Variants in TEPSIN observed in about 807,000 individuals in gnomAD.
TEPSIN encodes TEPSIN adaptor related protein complex 4 accessory protein, also known as AP-4 complex accessory subunit tepsin.
In TEPSIN, 50 loss-of-function variants were observed where a neutral mutation model predicts 48.5. The observed-to-expected ratio is 1.03, with a 90% CI of 0.82 to 1.31. The LOEUF (loss-of-function observed/expected upper bound fraction) is 1.31. Ranked by LOEUF, TEPSIN falls within the 50% of genes most tolerant of loss-of-function variation. The pLI is 0.00. For synonymous variants in TEPSIN, 392 were observed against 358.8 expected (o/e 1.09, Z -1.05); for missense variants, 838 against 815.9 (o/e 1.03, Z -0.33).
In TEPSIN at chr17:81,230,977, C is replaced by A. The variant is rs1438299267; in HGVS notation, c.1099-299G>T. ...ATGTCCTCCCCGGCTCCTGGACAGA[C>A]CCCAGCGAGAAGCACGTGACCTGCT... On this transcript the variant is annotated intron_variant, in intron 11 of 12. Coordinates refer to ENST00000637944, the MANE Select transcript of TEPSIN (RefSeq NM_001363764.2). This position sits in a 1 kb window ranked among gnomAD's most constrained non-coding sequence, Gnocchi z 4.2. 5.8e-6 allele frequency: 3 copies of A among 513,738 alleles called. No homozygotes were observed. The African/African-American group carries it at 5.9e-5, about 10-fold the overall frequency. The allele number at this position is 513,738 out of a possible 1,614,324, so 31.8% of individuals were successfully genotyped here.
Position 81,237,454 on chromosome 17 carries a change from C to G in TEPSIN, c.54G>C (p.Pro18=). 2 of 1,609,068 alleles carry G rather than the reference C, an allele frequency of 1.2e-6. No homozygotes were observed. The highest frequency in any genetic ancestry group is 2.2e-5 in the East Asian group (1 of 44,826). The stretch of plus-strand genomic sequence containing the variant: ...CATCGGACGTCCCCTTCAGGAGAAT[C>G]GGGAGCTGAAAGGGAACAAGAGCCC... ...RDRLSFLHRL[P]ILLKGTSDDD... is the part of the protein sequence containing the mutation. The change falls in exon 2 of 13, where the codon CCG becomes CCC. Residue 18 remains proline, a synonymous_variant. Transcript: ENST00000637944.
In TEPSIN at chr17:81,230,331, G is replaced by C. The variant is rs139633196; in HGVS notation, c.1233+213C>G. The stretch of plus-strand genomic sequence containing the variant: ...ATAGGTAGAGGCCAGTGTACTGTGA[G>C]TGCTGCAGAGTTTGGGTGGAAGGCG... On this transcript the variant is annotated intron_variant, in intron 12 of 12. Transcript: ENST00000637944. This position sits in a 1 kb window ranked among gnomAD's most constrained non-coding sequence, Gnocchi z 4.2. 9.6e-6 allele frequency: 2 copies of C among 207,892 alleles called. No individual in the cohort carries two copies. Among genetic ancestry groups the C allele is most frequent in the African/African-American group, 5.2e-5 (1 of 19,196 alleles). The allele number at this position is 207,892 out of a possible 1,614,324, so 12.9% of individuals were successfully genotyped here.
In TEPSIN at chr17:81,232,478, GGC is replaced by G; in HGVS notation, c.565_566del (p.Ala189ArgfsTer25). 6.5e-7 allele frequency: 1 copy of G among 1,534,952 alleles called. No individual in the cohort carries two copies. The highest frequency in any genetic ancestry group is 8.7e-7 in the Non-Finnish European group (1 of 1,146,546). On this transcript the variant is annotated frameshift_variant, in exon 8 of 13. Transcript: ENST00000637944. LOFTEE classifies it high-confidence loss of function. ...GEAFLSTIQK[A>X]AEVVASAMRP... ...GCATGGCGCTGGCCACCACCTCTGC[GGC>G]CTTCTGGATGGTGGAGAGGAAGGCT...
At position 81,231,452 on chromosome 17, in the gene TEPSIN, G is replaced by C. The variant is rs750187681; in HGVS notation, c.1044C>G (p.Ala348=). Residue 348 remains alanine, a synonymous_variant, in exon 11 of 13, where the codon GCC becomes GCG. Coordinates refer to ENST00000637944, the MANE Select transcript of TEPSIN (RefSeq NM_001363764.2). ...GGTGGCAGGTCAGCAGCTGCAGCAC[G>C]GCCTCACAGTTGAGCAGTCCACACC... ...IKACGLLNCE[A]VLQLLTCHLR... The C allele has an allele frequency of 1.9e-6, 3 of 1,568,560 alleles. No homozygotes were observed. Among genetic ancestry groups the C allele is most frequent in the Non-Finnish European group, 1.7e-6 (2 of 1,156,904 alleles).
rs1174441211 is a variant in TEPSIN, at chr17:81,234,109, G to A, written c.308-61C>T. 44 of 1,444,466 alleles carry A rather than the reference G, an allele frequency of 3.0e-5. No individual in the cohort carries two copies. Among genetic ancestry groups the A allele is most frequent in the Non-Finnish European group, 4.0e-5 (44 of 1,086,430 alleles). The allele number at this position is 1,444,466 out of a possible 1,614,324, so 89.5% of individuals were successfully genotyped here. A position where few individuals can be genotyped will look rare whatever the true frequency, so the allele number is the denominator to read the frequency against. ...GAGCCTGGCACCGCTGCTCCCTGTGGAGCACGGTGCCCTGGGCCCACTCCA... is the reference window on the plus strand; with the variant it reads ...GAGCCTGGCACCGCTGCTCCCTGTGAAGCACGGTGCCCTGGGCCCACTCCA... On this transcript the variant is annotated intron_variant, in intron 4 of 12. Transcript: ENST00000637944. The surrounding 1 kb of genome is among the most constrained non-coding windows in gnomAD (Gnocchi z 5.4).
intron 9 of TEPSIN, 43 bp from the exon 10 acceptor site, chr17:81,231,734 G>A: frequency 2.5e-6 from 4 of 1,607,742 alleles, no homozygotes; most frequent in Non-Finnish European, 2.6e-6. Context: ...TGGAGGCCAT[G>A]CCCCCACTCC....
chr17:81,229,312 CG>C lies in TEPSIN; in HGVS notation c.1397del (p.Pro466ArgfsTer126), dbSNP rs2062537450. On this transcript the variant is annotated frameshift_variant, in exon 13 of 13. Coordinates refer to ENST00000637944, the MANE Select transcript of TEPSIN (RefSeq NM_001363764.2). LOFTEE classifies it low-confidence loss of function (END_TRUNC). ...QVFLQPLSSTPVSSRSPAPSS... is the reference protein window; with the variant it reads ...QVFLQPLSSTXVSSRSPAPSS... The stretch of plus-strand genomic sequence containing the variant: ...AGGGAGCAGGGCTCCGGGACGAGAC[CG>C]GGGTTGAACTCAGAGGCTGCAGGAA... 11 of 1,569,602 alleles carry C rather than the reference CG, an allele frequency of 7.0e-6. No individual in the cohort carries two copies. The highest frequency in any genetic ancestry group is 9.5e-6 in the Non-Finnish European group (11 of 1,157,428).
At chr17:81,232,901 G>A (rs2062646990) in intron 7 of TEPSIN, 3 of 237,084 alleles carry the variant, frequency 1.3e-5, no homozygotes, top group Admixed American at 5.3e-5. Flanking sequence ...CAAAGTGTCG[G>A]CAGGAGCCCC....
chr17:81,234,060 A>G lies in TEPSIN; in HGVS notation c.308-12T>C. The G allele has an allele frequency of 6.3e-7, 1 of 1,582,622 alleles. No individual in the cohort carries two copies. Among genetic ancestry groups the G allele is most frequent in the Non-Finnish European group, 8.6e-7 (1 of 1,168,838 alleles). ...GGGCCCTGCAAAAGCTGCAGAACAGAAAAGGCAAGTCGGGGGCAGGGCTGA... is the reference window on the plus strand; with the variant it reads ...GGGCCCTGCAAAAGCTGCAGAACAGGAAAGGCAAGTCGGGGGCAGGGCTGA... On this transcript the variant is annotated splice_polypyrimidine_tract_variant and intron_variant, in intron 4 of 12. Transcript: ENST00000637944. The surrounding 1 kb of genome is among the most constrained non-coding windows in gnomAD (Gnocchi z 5.4).
At chr17:81,236,009 A>C (rs976699395) in intron 4 of TEPSIN, among the ~76,000 whole-genome samples, 1 of 152,164 alleles carries the variant, frequency 6.6e-6, no homozygotes, top group African/African-American at 2.4e-5. Flanking sequence ...CTCCCTCCCC[A>C]GAATTCCCCA....
At chr17:81,236,862 C>G in intron 3 of TEPSIN, 61 bp from the exon 4 acceptor site, 2 of 1,540,016 alleles carry the variant, frequency 1.3e-6, no homozygotes, top group South Asian at 2.4e-5. Flanking sequence ...CAGGGCAGGG[C>G]CCGGGGGCAC....
At chr17:81,231,030 C>T (rs1360161549) in intron 11 of TEPSIN, 18 of 468,972 alleles carry the variant, frequency 3.8e-5, no homozygotes, top group African/African-American at 1.9e-4. Flanking sequence ...TTCATTCCTC[C>T]GCACGCCCCC....
rs759454499 is a variant in TEPSIN, at chr17:81,231,659, T to C, written c.938A>G (p.Gln313Arg). 6.2e-7 allele frequency: 1 copy of C among 1,613,074 alleles called. No individual in the cohort carries two copies. The highest frequency in any genetic ancestry group is 1.7e-5 in the Admixed American group (1 of 59,956). Residue 313 changes from glutamine to arginine, a missense_variant, in exon 10 of 13, where the codon CAG becomes CGG. Coordinates refer to ENST00000637944, the MANE Select transcript of TEPSIN (RefSeq NM_001363764.2). ...VEVVALSDCQ[Q>R]ELSLVRTVTR... ...CACAGTCCTCACCAAGCTCAACTCC[T>C]GCTGACAGTCACTCAGGGCCACCAC...
Position 81,233,073 on chromosome 17 carries a change from C to G in TEPSIN, c.526+359G>C, listed in dbSNP as rs1450128416. 1.4e-5 allele frequency: 5 copies of G among 348,464 alleles called. No individual in the cohort carries two copies. The highest frequency in any genetic ancestry group is 2.1e-5 in the Non-Finnish European group (4 of 188,560). 21.6% of individuals were successfully genotyped at this position (348,464 alleles called of 1,614,324 possible). Reference sequence around the variant, plus strand: ...GCTGGTGAGCAGTTGTCCACTGGTACTGCCCCACCTCATAACAGCTCCACA... The same window carrying G: ...GCTGGTGAGCAGTTGTCCACTGGTAGTGCCCCACCTCATAACAGCTCCACA... On this transcript the variant is annotated intron_variant, in intron 7 of 12. Coordinates refer to ENST00000637944, the MANE Select transcript of TEPSIN (RefSeq NM_001363764.2). The surrounding 1 kb of genome is among the most constrained non-coding windows in gnomAD (Gnocchi z 5.8).
rs761896458 is a variant in TEPSIN at position 81,229,032 on chromosome 17, A to C, written c.1678T>G (p.Ser560Ala). Residue 560 changes from serine (S) to alanine (A), a missense_variant, in exon 13 of 13, where the codon TCC becomes GCC. Coordinates refer to ENST00000637944, the MANE Select transcript of TEPSIN (RefSeq NM_001363764.2). ...GGGGCGCGGGGAGCATCAGGACAGG[A>C]CTCTCCCGCAGCAGCCCCAGCCCCC... ...LVGAGAAAGE[S>A]CPDAPRAPQT... 3 of 1,611,874 alleles carry C rather than the reference A, an allele frequency of 1.9e-6. No individual in the cohort carries two copies. In the Admixed American group the frequency reaches 5.0e-5, roughly 27 times the overall value.
At chr17:81,237,780 C>A in intron 1 of TEPSIN, 3 of 410,620 alleles carry the variant, frequency 7.3e-6, no homozygotes, top group Non-Finnish European at 1.3e-5. Flanking sequence ...TTTGAAGGTA[C>A]CTCTCCTGTA....
rs1447520761 is a variant in TEPSIN, at chr17:81,231,604, G to A, written c.993C>T (p.Arg331=). 15 of 1,612,886 alleles carry A rather than the reference G, an allele frequency of 9.3e-6. No homozygotes were observed. The highest frequency in any genetic ancestry group is 6.7e-5 in the Admixed American group (4 of 59,968). ...VTRGPRAFLS[R]EEAQHFIKAC... ...CTTTGATGAAGTGCTGTGCCTCCTC[G>A]CGGCTCAGGAAGGCGCGTGGTCCCC... The change falls in exon 10 of 13, where the codon CGC becomes CGT. Residue 331 remains arginine, a synonymous_variant. Coordinates refer to ENST00000637944, the MANE Select transcript of TEPSIN (RefSeq NM_001363764.2).
In TEPSIN at chr17:81,233,302, G is replaced by T. The variant is rs1365787209; in HGVS notation, c.526+130C>A. ...GAGACAGTGGGGACAGCCCCAGGAA[G>T]GGTTGAGGCCATGTAGGGGAGGGGA... is the stretch of plus-strand genomic sequence containing the variant. On this transcript the variant is annotated intron_variant, in intron 7 of 12. Transcript: ENST00000637944. The surrounding 1 kb of genome is among the most constrained non-coding windows in gnomAD (Gnocchi z 5.8). 2.8e-6 allele frequency: 3 copies of T among 1,086,264 alleles called. No individual in the cohort carries two copies. In the East Asian group the frequency reaches 7.8e-5, roughly 28 times the overall value. The allele number at this position is 1,086,264 out of a possible 1,614,324, so 67.3% of individuals were successfully genotyped here.
chr17:81,239,016 C>T lies in TEPSIN; in HGVS notation c.18G>A (p.Pro6=), dbSNP rs1483262538. 3 of 1,489,054 alleles carry T rather than the reference C, an allele frequency of 2.0e-6. No homozygotes were observed. The highest frequency in any genetic ancestry group is 2.9e-5 in the East Asian group (1 of 33,950). The allele number at this position is 1,489,054 out of a possible 1,614,324, so 92.2% of individuals were successfully genotyped here. The part of the protein sequence containing the change: MAAAP[P]LRDRLSFLHR... ...GTAGAAAGCTCAGGCGGTCCCGTAG[C>T]GGCGGCGCGGCAGCCATGATCCAGG... The change falls in exon 1 of 13, where the codon CCG becomes CCA. Residue 6 remains proline, a synonymous_variant. Coordinates refer to ENST00000637944, the MANE Select transcript of TEPSIN (RefSeq NM_001363764.2).
Sources: gnomAD v4.1 joint callset for allele counts (sites outside exome capture counted in the v4.1 genomes callset) on GRCh38, gnomAD v4.1.1 for gene constraint, Gnocchi (gnomAD v3.1) non-coding constraint, MANE v1.5 for transcripts, NCBI Gene and HGNC (gene_info 2026-07-23, HGNC 2026-07-21) for gene names.